The following SEC24C variants were observed in gnomAD, a reference collection of about 807,000 sequenced individuals.
The protein encoded by SEC24C is protein transport protein Sec24C.
SEC24C carries 22 observed loss-of-function variants against 117.0 expected under a neutral mutation model. The ratio of observed to expected loss-of-function variants is 0.19; its 90% CI spans 0.13 to 0.27. The LOEUF (loss-of-function observed/expected upper bound fraction) is 0.27. SEC24C is among the 10% of genes least tolerant of loss of function. SEC24C has a pLI of 1.00. For synonymous variants in SEC24C, 506 were observed against 529.4 expected, an observed-to-expected ratio of 0.96 and a Z score of 0.61; for missense variants, 1,155 against 1,375.1, an observed-to-expected ratio of 0.84 and a Z score of 2.53.
intron 3 of SEC24C, among the ~76,000 whole-genome samples, chr10:73,757,906 G>A (rs572284909): frequency 8.4e-5 from 10 of 118,566 alleles, no homozygotes; most frequent in Non-Finnish European, 1.6e-5. Context: ...GGGTGACAGA[G>A]CGAGACCCTG....
rs2082875394 is a variant in SEC24C at position 73,765,901 on chromosome 10, G to A, written c.1468G>A (p.Val490Ile). ...SLGSYEFLATVDYCKNNKFPS... is the reference protein window; with the variant it reads ...SLGSYEFLATIDYCKNNKFPS... The stretch of plus-strand genomic sequence containing the variant: ...GGGCTCTTATGAATTCTTGGCCACT[G>A]TAGATTACTGCAAGGTGAGGGAAGG... Residue 490 changes from valine (V) to isoleucine (I), a missense_variant, in exon 10 of 23, where the codon GTA (valine) becomes ATA (isoleucine). Around this residue, in one of 2 missense-constraint regions of SEC24C, gnomAD observed 759 missense variants for 992.3 expected, o/e 0.76. Transcript: ENST00000345254. 6.2e-7 allele frequency: 1 copy of A among 1,613,600 alleles called. No individual in the cohort carries two copies. Among genetic ancestry groups the A allele is most frequent in the South Asian group, 1.1e-5 (1 of 91,074 alleles).
chr10:73,765,721 G>C, intron 9 of SEC24C, 79 bp from the exon 10 acceptor site: 3 of 1,554,896 alleles, frequency 1.9e-6, no homozygotes, highest in Non-Finnish European at 2.7e-6. Context: ...ATGAGGGATA[G>C]TGGTGTGAGC....
chr10:73,768,673 GTCA>G (rs1169588865), intron 15 of SEC24C, 134 bp from the exon 16 acceptor site: 26 of 767,326 alleles, frequency 3.4e-5, no homozygotes, highest in African/African-American at 5.2e-5. Flanking sequence ...AGCTATTATT[GTCA>G]TCATCATTAT....
rs35875855 is a variant in SEC24C at position 73,768,847 on chromosome 10, G to A, written c.2219G>A (p.Arg740His). 80 of 1,613,864 alleles carry A rather than the reference G, an allele frequency of 5.0e-5. No homozygotes were observed. The Admixed American group carries it at 7.3e-4, about 15-fold the overall frequency. ...CAGGAGCGGTTCCTGAGTGACCTGC[G>A]TCGTGATGTCCAGAAGGTTGTTGGC... ...NDQERFLSDL[R>H]RDVQKVVGFD... The change falls in exon 16 of 23, where the codon CGT (arginine) becomes CAT (histidine). Residue 740 changes from arginine (R) to histidine (H), a missense_variant. Transcript: ENST00000345254.
Position 73,766,197 on chromosome 10 carries a change from G to C in SEC24C, c.1594G>C (p.Asp532His), listed in dbSNP as rs551966577. 6.2e-7 allele frequency: 1 copy of C among 1,612,692 alleles called. No individual in the cohort carries two copies. The highest frequency in any genetic ancestry group is 1.1e-5 in the South Asian group (1 of 90,840). Reference sequence around the variant, plus strand: ...CTGTGAGGAGCTCAAGTCACTGTTAGACTTTCTACCTAGGTGAGAGTTACA... The same window carrying C: ...CTGTGAGGAGCTCAAGTCACTGTTACACTTTCTACCTAGGTGAGAGTTACA... ...LLCEELKSLL[D>H]FLPREGGAEE... The change falls in exon 11 of 23, where the codon GAC (aspartate) becomes CAC (histidine). Residue 532 changes from aspartate (D) to histidine (H), a missense_variant. By Grantham distance (81) the Asp-to-His change is moderately conservative. Coordinates refer to ENST00000345254, the MANE Select transcript of SEC24C (RefSeq NM_198597.3).
In SEC24C at chr10:73,759,753, G is replaced by A. The variant is rs560123210; in HGVS notation, c.440G>A (p.Gly147Asp). ...ATQLSGMQIS[G>D]AVAPAPPSSG... is the part of the protein sequence containing the mutation. ...CAGCTGTCTGGAATGCAGATCAGCG[G>A]TGCTGTGGCCCCAGCCCCTCCTTCT... is the stretch of plus-strand genomic sequence containing the variant. Residue 147 changes from glycine (G) to aspartate (D), a missense_variant, in exon 4 of 23, where the codon GGT becomes GAT. Physicochemically the swap from Gly to Asp is moderately conservative, Grantham distance 94. Coordinates refer to ENST00000345254, the MANE Select transcript of SEC24C (RefSeq NM_198597.3). 5.2e-5 allele frequency: 84 copies of A among 1,606,642 alleles called. No individual in the cohort carries two copies. In the East Asian group the frequency reaches 1.9e-3, roughly 36 times the overall value.
In SEC24C at chr10:73,760,706, G is replaced by A. The variant is rs1238498476; in HGVS notation, c.851-7G>A. The A allele has an allele frequency of 2.5e-6, 4 of 1,583,198 alleles. No homozygotes were observed. Among genetic ancestry groups the A allele is most frequent in the South Asian group, 1.1e-5 (1 of 86,982 alleles). ...TTGAGTTCATCAACCTTGTGTCCTT[G>A]TCTCAGGTTCCTTCGGACCAGCCCG... is the stretch of plus-strand genomic sequence containing the variant. On this transcript the variant is annotated splice_polypyrimidine_tract_variant and splice_region_variant and intron_variant, in intron 5 of 22. Coordinates refer to ENST00000345254, the MANE Select transcript of SEC24C (RefSeq NM_198597.3).
intron 3 of SEC24C, chr10:73,751,597 A>G (rs2082643600): frequency 1.3e-5 from 2 of 153,458 alleles, no homozygotes; most frequent in Admixed American, 1.3e-4. Context: ...ATGAAAGTAG[A>G]AAGGTTAGGA....
intron 3 of SEC24C, among the ~76,000 whole-genome samples, chr10:73,758,673 A>G (rs1328780244): frequency 6.6e-6 from 1 of 152,228 alleles, no homozygotes; most frequent in East Asian, 1.9e-4. Flanking sequence ...GTGATATTTT[A>G]TAACTGACTT....
chr10:73,764,999 A>G (rs535910799), intron 8 of SEC24C, among the ~76,000 whole-genome samples: 1 of 152,320 alleles, frequency 6.6e-6, no homozygotes, highest in East Asian at 1.9e-4. Flanking sequence ...TGCCTGGGGC[A>G]TCAGTAACTG....
At position 73,765,780 on chromosome 10, in the gene SEC24C, C is replaced by T; in HGVS notation, c.1367-20C>T. The stretch of plus-strand genomic sequence containing the variant: ...ATTGAAACTGGATCTTCGAGTAACA[C>T]ACTGCCATGCTTCCCACAGTTCCCC... On this transcript the variant is annotated intron_variant, in intron 9 of 22. Coordinates refer to ENST00000345254, the MANE Select transcript of SEC24C (RefSeq NM_198597.3). The T allele has an allele frequency of 6.2e-7, 1 of 1,602,402 alleles. No individual in the cohort carries two copies. Among genetic ancestry groups the T allele is most frequent in the Non-Finnish European group, 8.6e-7 (1 of 1,169,466 alleles).
chr10:73,745,678 T>G (rs1425094503), intron 1 of SEC24C, among the ~76,000 whole-genome samples: 1 of 151,642 alleles, frequency 6.6e-6, no homozygotes, highest in Non-Finnish European at 1.5e-5. Flanking sequence ...GCCTCCCAAG[T>G]AGCTGGGATT....
intron 6 of SEC24C, among the ~76,000 whole-genome samples, chr10:73,762,839 AG>A (rs1290606181): frequency 6.6e-6 from 1 of 152,132 alleles, no homozygotes; most frequent in Non-Finnish European, 1.5e-5. Context: ...TCCTTTGCTG[AG>A]TCTGTCAAAA....
Position 73,769,746 on chromosome 10 carries a change from T to C in SEC24C, c.2682+13T>C, listed in dbSNP as rs767337092. On this transcript the variant is annotated intron_variant, in intron 19 of 22. Coordinates refer to ENST00000345254, the MANE Select transcript of SEC24C (RefSeq NM_198597.3). The surrounding 1 kb of genome is among the most constrained non-coding windows in gnomAD (Gnocchi z 4.5). ...CTCTGCAGGACAGGTGGGGCAAGTA[T>C]ATTAGTGGGAGGTGGGGTTGTTGGG... is the stretch of plus-strand genomic sequence containing the variant. The C allele has an allele frequency of 6.2e-7, 1 of 1,613,330 alleles. No individual in the cohort carries two copies.
At chr10:73,750,219 A>G (rs1351401172) in intron 2 of SEC24C, among the ~76,000 whole-genome samples, 1 of 152,188 alleles carries the variant, frequency 6.6e-6, no homozygotes, top group Non-Finnish European at 1.5e-5. Flanking sequence ...TGATTCTGTC[A>G]TGGTTGGTGA....
chr10:73,747,003 A>C lies in SEC24C; in HGVS notation c.171A>C (p.Gln57His). 1 of 1,611,296 alleles carries C rather than the reference A, an allele frequency of 6.2e-7. No individual in the cohort carries two copies. The highest frequency in any genetic ancestry group is 8.5e-7 in the Non-Finnish European group (1 of 1,178,630). ...PVPGYQQTPP[Q>H]GMSRAPPSSG... ...CAGGCTATCAGCAAACACCTCCCCA[A>C]GGTATGTTTCTGTTTCTGTTTCCTT... is the stretch of plus-strand genomic sequence containing the variant. The change falls in exon 2 of 23, where the codon CAA becomes CAC. Residue 57 changes from glutamine (Q) to histidine (H), a missense_variant and splice_region_variant. By Grantham distance (24) the Gln-to-His change is conservative. Coordinates refer to ENST00000345254, the MANE Select transcript of SEC24C (RefSeq NM_198597.3).
intron 13 of SEC24C, 72 bp downstream of exon 13, chr10:73,766,925 C>T: frequency 6.9e-7 from 1 of 1,454,168 alleles, no homozygotes. Flanking sequence ...TGGGATACAA[C>T]CTCTCTTTCT....
intron 6 of SEC24C, among the ~76,000 whole-genome samples, chr10:73,762,993 A>G (rs776917042): frequency 2.0e-5 from 3 of 151,830 alleles, no homozygotes; most frequent in Non-Finnish European, 2.9e-5. Context: ...ATCTCTCCTC[A>G]CCCTGTCCCT....
At chr10:73,765,637 T>G in intron 9 of SEC24C, 48 bp downstream of exon 9, 1 of 1,604,344 alleles carries the variant, frequency 6.2e-7, no homozygotes, top group Non-Finnish European at 8.5e-7. Flanking sequence ...GATTGTATCT[T>G]CCTTGTTCTC....
Sources: allele counts gnomAD v4.1 joint callset (sites outside exome capture counted in the v4.1 genomes callset), GRCh38; gene constraint gnomAD v4.1.1; regional missense constraint gnomAD v4.1.1; non-coding constraint Gnocchi (gnomAD v3.1); transcripts MANE v1.5; gene names NCBI Gene and HGNC (gene_info 2026-07-23, HGNC 2026-07-21).